Variants in MROH2B observed in about 807,000 individuals in gnomAD.
The protein encoded by MROH2B is maestro heat-like repeat-containing protein family member 2B.
MROH2B carries 177 observed loss-of-function variants against 208.6 expected under a neutral mutation model. The ratio of observed to expected loss-of-function variants is 0.85; its 90% confidence interval spans 0.75 to 0.96. The LOEUF (loss-of-function observed/expected upper bound fraction) is 0.96, where lower values mean the gene tolerates loss of function less well. Among genes scored for constraint, MROH2B ranks in the 40% least tolerant of loss-of-function variants. The pLI is 0.00. For synonymous variants in MROH2B, 728 were observed against 659.0 expected, an observed-to-expected ratio of 1.10 and a Z score of -1.60; for missense variants, 2,002 against 1,878.7, an observed-to-expected ratio of 1.07 and a Z score of -1.21.
At chr5:41,009,525 C>T in intron 31 of MROH2B, 119 bp from the exon 32 acceptor site, 1 of 1,238,112 alleles carries the variant, frequency 8.1e-7, no homozygotes, top group South Asian at 1.5e-5. Context: ...GGCAGATGGA[C>T]ATGCTGCCAT....
Position 41,049,385 on chromosome 5 carries a change from C to A in MROH2B, c.1396G>T (p.Ala466Ser). 6.2e-7 allele frequency: 1 copy of A among 1,613,786 alleles called. No homozygotes were observed. The highest frequency in any genetic ancestry group is 8.5e-7 in the Non-Finnish European group (1 of 1,179,796). Reference sequence around the variant, plus strand: ...ATGATACTAAACAGGGGCTCCAGAGCTTCTGTGTATTCTGCAGGTACCACA... The same window carrying A: ...ATGATACTAAACAGGGGCTCCAGAGATTCTGTGTATTCTGCAGGTACCACA... ...TFVVPAEYTE[A>S]LEPLFSIIRI... The change falls in exon 14 of 42, where the codon GCT (alanine) becomes TCT (serine). Residue 466 changes from alanine to serine, a missense_variant. Ala to Ser is a moderately conservative substitution (Grantham distance 99). Coordinates refer to ENST00000399564, the MANE Select transcript of MROH2B (RefSeq NM_173489.5).
chr5:41,033,601 A>G (rs948151437), intron 22 of MROH2B, among the ~76,000 whole-genome samples: 2 of 152,110 alleles, frequency 1.3e-5, no homozygotes, highest in Non-Finnish European at 2.9e-5. Flanking sequence ...AAGTTTGAAC[A>G]CCATTGTTTT....
intron 24 of MROH2B, among the ~76,000 whole-genome samples, chr5:41,024,832 T>A (rs2150161607): frequency 6.6e-6 from 1 of 152,268 alleles, no homozygotes; most frequent in East Asian, 1.9e-4. Context: ...TATAACAAAC[T>A]GTCTCTCAGA....
intron 40 of MROH2B, among the ~76,000 whole-genome samples, 164 bp downstream of exon 40, chr5:40,999,513 T>C (rs1741316546): frequency 6.6e-6 from 1 of 152,202 alleles, no homozygotes. Flanking sequence ...AGCAGGTTTC[T>C]TTGAGGGAGG....
intron 32 of MROH2B, 63 bp downstream of exon 32, chr5:41,009,216 TG>T: frequency 6.3e-7 from 1 of 1,593,168 alleles, no homozygotes; most frequent in Non-Finnish European, 8.6e-7. Context: ...AAGCTCCAGG[TG>T]GGGATAGATC....
chr5:41,034,454 AC>A (rs1742686841), intron 21 of MROH2B, among the ~76,000 whole-genome samples: 1 of 151,920 alleles, frequency 6.6e-6, no homozygotes, highest in Non-Finnish European at 1.5e-5. Flanking sequence ...ACGTGCACAC[AC>A]CCCATGAATC....
intron 12 of MROH2B, among the ~76,000 whole-genome samples, chr5:41,052,104 T>C (rs898472078): frequency 5.3e-5 from 8 of 152,040 alleles, no homozygotes; most frequent in African/African-American, 1.9e-4. Flanking sequence ...CCAGTCTCTG[T>C]GTCCCTCTCC....
In MROH2B at chr5:41,020,036, A is replaced by G. The variant is rs149344097; in HGVS notation, c.2442-1018T>C. The stretch of plus-strand genomic sequence containing the variant: ...GATTTGCTTGCCATCATTAGAGATT[A>G]GTTTTCAAGTTCTACAGCTGTGCTG... On this transcript the variant is annotated intron_variant, in intron 24 of 41. Transcript: ENST00000399564. Among the ~76,000 whole-genome samples the G allele has an allele frequency of 3.5e-3, 537 of 152,230 alleles. 2 individuals are homozygous for G. The highest frequency in any genetic ancestry group is 0.012 in the African/African-American group (505 of 41,528).
At chr5:41,039,741 A>G (rs997304602) in intron 19 of MROH2B, among the ~76,000 whole-genome samples, 186 bp from the exon 20 acceptor site, 3 of 152,184 alleles carry the variant, frequency 2.0e-5, no homozygotes, top group African/African-American at 7.2e-5. Flanking sequence ...GCAACAGGGA[A>G]GTGAAATAAG....
rs557901014 is a variant in MROH2B, at chr5:41,040,790, C to T, written c.1954-1235G>A. On this transcript the variant is annotated intron_variant, in intron 19 of 41. Transcript: ENST00000399564. ...ACGCGATTCTCTTGCCTCAGCCTCC[C>T]GAGTAGCTGGGATTACAGGTGTACA... is the stretch of plus-strand genomic sequence containing the variant. Among the ~76,000 whole-genome samples the T allele has an allele frequency of 5.9e-5, 9 of 152,198 alleles. No individual in the cohort carries two copies. In the South Asian group the frequency reaches 6.2e-4, roughly 11 times the overall value.
intron 38 of MROH2B, 93 bp downstream of exon 38, chr5:41,000,585 A>G (rs1561270698): frequency 1.4e-6 from 2 of 1,460,532 alleles, no homozygotes; most frequent in African/African-American, 2.8e-5. Flanking sequence ...GGGTGACTTT[A>G]GATCTGGCTC....
At position 41,009,389 on chromosome 5, in the gene MROH2B, C is replaced by T. The variant is rs1301411994; in HGVS notation, c.3311G>A (p.Trp1104Ter). ...GGCTGGCTTTTCAGCCAGCGCCTTC[C>T]ACAATGTCTTTGTGTCCCTAGGGTG... is the stretch of plus-strand genomic sequence containing the variant. The part of the protein sequence containing the change: ...LPFDRDTKTL[W>*]KALAEKPASS... The change falls in exon 32 of 42, where the codon TGG becomes TAG. Residue 1104 changes from tryptophan (W) to a stop codon, truncating the protein, a stop_gained. Coordinates refer to ENST00000399564, the MANE Select transcript of MROH2B (RefSeq NM_173489.5). LOFTEE classifies it high-confidence loss of function. The T allele has an allele frequency of 1.2e-6, 2 of 1,613,832 alleles. No homozygotes were observed. The highest frequency in any genetic ancestry group is 3.3e-5 in the Admixed American group (2 of 60,010).
At chr5:41,025,154 A>G (rs1742304467) in intron 24 of MROH2B, among the ~76,000 whole-genome samples, 1 of 152,216 alleles carries the variant, frequency 6.6e-6, no homozygotes, top group Non-Finnish European at 1.5e-5. Context: ...CACATTCAAA[A>G]GCTCGCAGAA....
intron 3 of MROH2B, 47 bp from the exon 4 acceptor site, chr5:41,065,537 A>G (rs1275983106): frequency 1.3e-6 from 2 of 1,537,534 alleles, no homozygotes; most frequent in East Asian, 4.5e-5. Context: ...AAAGGGGCAG[A>G]GTGAGTCTAT....
At chr5:41,043,575 A>G (rs993164361) in intron 18 of MROH2B, among the ~76,000 whole-genome samples, 5 of 152,200 alleles carry the variant, frequency 3.3e-5, no homozygotes, top group African/African-American at 7.2e-5. Flanking sequence ...ATTTTGGTCC[A>G]GTGCATAGTA....
At chr5:41,029,893 C>G (rs1442287667) in intron 24 of MROH2B, among the ~76,000 whole-genome samples, 1 of 151,738 alleles carries the variant, frequency 6.6e-6, no homozygotes, top group African/African-American at 2.4e-5. Flanking sequence ...TCATTTGTAC[C>G]CCAAGTCTCA....
Position 41,027,734 on chromosome 5 carries a change from C to T in MROH2B, c.2441+5008G>A, listed in dbSNP as rs150496613. On this transcript the variant is annotated intron_variant, in intron 24 of 41. Coordinates refer to ENST00000399564, the MANE Select transcript of MROH2B (RefSeq NM_173489.5). Reference sequence around the variant, plus strand: ...AATCATGCTGCTATAAAGACACATGCAGACGTATGTTTATTGTGGCACTAT... The same window carrying T: ...AATCATGCTGCTATAAAGACACATGTAGACGTATGTTTATTGTGGCACTAT... 3.9e-3 allele frequency among the ~76,000 whole-genome samples: 598 copies of T among 152,304 alleles called. 7 individuals are homozygous for T. The highest frequency in any genetic ancestry group is 0.013 in the African/African-American group (549 of 41,566).
At chr5:41,023,121 T>C (rs925576349) in intron 24 of MROH2B, among the ~76,000 whole-genome samples, 5 of 152,154 alleles carry the variant, frequency 3.3e-5, no homozygotes, top group Admixed American at 6.5e-5. Context: ...CTGAAAATTC[T>C]AAAAATCAGA....
At position 41,042,170 on chromosome 5, in the gene MROH2B, G is replaced by A. The variant is rs1190780046; in HGVS notation, c.1875C>T (p.Cys625=). The change falls in exon 19 of 42, where the codon TGC becomes TGT. Residue 625 remains cysteine, a synonymous_variant. Coordinates refer to ENST00000399564, the MANE Select transcript of MROH2B (RefSeq NM_173489.5). ...LWKALGTTLA[C]CQDSDFVNSQ... Reference sequence around the variant, plus strand: ...AGTTTACAAAGTCTGAATCTTGGCAGCATGCTAAGGTGGTTCCCAAGGCTT... The same window carrying A: ...AGTTTACAAAGTCTGAATCTTGGCAACATGCTAAGGTGGTTCCCAAGGCTT... 1.3e-6 allele frequency: 2 copies of A among 1,591,974 alleles called. No homozygotes were observed.
Sources: allele counts gnomAD v4.1 joint callset (sites outside exome capture counted in the v4.1 genomes callset), GRCh38; gene constraint gnomAD v4.1.1; transcripts MANE v1.5; gene names NCBI Gene and HGNC (gene_info 2026-07-23, HGNC 2026-07-21).